EEFSEC: variants seen among roughly 807,000 people sequenced by gnomAD.
The protein encoded by EEFSEC is selenocysteine-specific elongation factor.
A neutral mutation model predicts 42.1 loss-of-function variants in EEFSEC; 43 were observed. That is an observed-to-expected ratio of 1.02 (90% CI 0.80 to 1.32). EEFSEC has a LOEUF of 1.32. EEFSEC is among the 40% of genes most tolerant of loss of function. The probability of loss-of-function intolerance (pLI) is 0.00; values close to 1 mark genes in which losing one functional copy is unlikely to be tolerated. For missense variants in EEFSEC, 745 were observed against 803.6 expected (o/e 0.93, Z 0.88); for synonymous variants, 354 against 339.1 (o/e 1.04, Z -0.48).
chr3:128,380,194 C>T (rs1025323357), intron 6 of EEFSEC, among the ~76,000 whole-genome samples: 10 of 152,168 alleles, frequency 6.6e-5, no homozygotes, highest in African/African-American at 2.4e-4. Flanking sequence ...GGACAAGAGC[C>T]GAGGCCCCGA....
At chr3:128,303,808 TTTTCATTC>T (rs1051375925) in intron 4 of EEFSEC, among the ~76,000 whole-genome samples, 3 of 152,098 alleles carry the variant, frequency 2.0e-5, no homozygotes, top group East Asian at 1.9e-4. Flanking sequence ...TCTGAAATTG[TTTTCATTC>T]TTTCATTCTT....
chr3:128,366,166 G>A (rs575166984), intron 6 of EEFSEC, among the ~76,000 whole-genome samples: 2 of 152,324 alleles, frequency 1.3e-5, no homozygotes, highest in East Asian at 3.9e-4. Context: ...AGTGGTTTTG[G>A]GGGACCAGTG....
At chr3:128,322,604 C>T (rs546436576) in intron 4 of EEFSEC, among the ~76,000 whole-genome samples, 16 of 152,226 alleles carry the variant, frequency 1.1e-4, no homozygotes, top group African/African-American at 3.1e-4. Context: ...AAGTCCCATC[C>T]GTTAATGCAT....
chr3:128,360,114 G>A (rs1046697201), intron 6 of EEFSEC, among the ~76,000 whole-genome samples: 1 of 152,222 alleles, frequency 6.6e-6, no homozygotes, highest in African/African-American at 2.4e-5. Context: ...ACCCAGCCAT[G>A]GGAGGCCTCC....
intron 6 of EEFSEC, among the ~76,000 whole-genome samples, chr3:128,373,157 GGGA>G (rs1290088481): frequency 2.6e-5 from 4 of 152,232 alleles, no homozygotes; most frequent in African/African-American, 4.8e-5. Flanking sequence ...AGCTGAGAAA[GGGA>G]GGAGGAGCCA....
intron 4 of EEFSEC, among the ~76,000 whole-genome samples, chr3:128,320,594 C>T (rs2066996748): frequency 6.6e-6 from 1 of 152,216 alleles, no homozygotes; most frequent in Non-Finnish European, 1.5e-5. Flanking sequence ...TTCCTAACCA[C>T]TGTGTTATGA....
At chr3:128,242,431 AT>A (rs979327183) in intron 1 of EEFSEC, among the ~76,000 whole-genome samples, 57 of 151,908 alleles carry the variant, frequency 3.8e-4, no homozygotes, top group East Asian at 9.7e-4. Context: ...TTGGAAATAA[AT>A]TTTTTTTTCT....
chr3:128,287,736 T>C (rs935457152), intron 4 of EEFSEC, among the ~76,000 whole-genome samples: 1 of 152,206 alleles, frequency 6.6e-6, no homozygotes, highest in Non-Finnish European at 1.5e-5. Flanking sequence ...TATCTTTAAC[T>C]TAAATTTTTA....
At chr3:128,419,855 G>T in the EEFSEC span, among the ~76,000 whole-genome samples, 1 of 152,198 alleles carries the variant, frequency 6.6e-6, no homozygotes, top group East Asian at 1.9e-4. Context: ...TAGCTCTGGG[G>T]CCAGAGACAG....
chr3:128,153,951 G>T, intron 1 of EEFSEC, 128 bp downstream of exon 1: 1 of 1,325,246 alleles, frequency 7.5e-7, no homozygotes, highest in Non-Finnish European at 9.8e-7. Flanking sequence ...GGCTCCTGAC[G>T]CCCCAAGAGG....
chr3:128,229,314 G>A (rs1210974018), intron 1 of EEFSEC, among the ~76,000 whole-genome samples: 2 of 152,198 alleles, frequency 1.3e-5, no homozygotes, highest in East Asian at 1.9e-4. Context: ...GCTAGAGAGC[G>A]AAGTGCTCTC....
At chr3:128,309,156 G>A (rs913131508) in intron 4 of EEFSEC, among the ~76,000 whole-genome samples, 1 of 152,220 alleles carries the variant, frequency 6.6e-6, no homozygotes, top group East Asian at 1.9e-4. Context: ...AACTGTAAGT[G>A]TAGTCCTGGC....
At chr3:128,414,528 G>A in the EEFSEC span, among the ~76,000 whole-genome samples, 1,494 of 152,290 alleles carry the variant, frequency 9.8e-3, 14 homozygotes, top group Non-Finnish European at 0.015. Flanking sequence ...GGCTACAGAG[G>A]CCAAGTTCCT....
intron 1 of EEFSEC, among the ~76,000 whole-genome samples, chr3:128,205,593 C>T (rs766097704): frequency 2.1e-4 from 32 of 152,252 alleles, no homozygotes; most frequent in South Asian, 4.1e-4. Context: ...ATCCTTCGCC[C>T]TGTGTAAACA....
chr3:128,378,907 C>A (rs1439906965), intron 6 of EEFSEC, among the ~76,000 whole-genome samples: 1 of 152,216 alleles, frequency 6.6e-6, no homozygotes, highest in African/African-American at 2.4e-5. Context: ...CTGGGCATTC[C>A]ACTGGGTTCT....
At chr3:128,352,762 C>T (rs949538914) in intron 5 of EEFSEC, among the ~76,000 whole-genome samples, 25 of 152,246 alleles carry the variant, frequency 1.6e-4, no homozygotes, top group African/African-American at 5.5e-4. Context: ...CAACTGTTTA[C>T]AAGTGCTCCC....
At chr3:128,346,270 C>G (rs555349461) in intron 5 of EEFSEC, among the ~76,000 whole-genome samples, 3 of 152,378 alleles carry the variant, frequency 2.0e-5, no homozygotes, top group African/African-American at 7.2e-5. Context: ...CTTCTTTCAG[C>G]TGCTTCGATC....
chr3:128,369,753 T>C (rs1381994946), intron 6 of EEFSEC, among the ~76,000 whole-genome samples: 1 of 152,220 alleles, frequency 6.6e-6, no homozygotes, highest in Non-Finnish European at 1.5e-5. Flanking sequence ...TCAAACATAC[T>C]GAAGAGTGGA....
chr3:128,339,638 G>T (rs1386012263), intron 4 of EEFSEC, among the ~76,000 whole-genome samples: 1 of 152,176 alleles, frequency 6.6e-6, no homozygotes, highest in Non-Finnish European at 1.5e-5. Context: ...ATAAGATCAG[G>T]TTACTCCTTT....
Sources: gnomAD v4.1 joint callset for allele counts (sites outside exome capture counted in the v4.1 genomes callset) on GRCh38, gnomAD v4.1.1 for gene constraint, MANE v1.5 for transcripts, NCBI Gene and HGNC (gene_info 2026-07-23, HGNC 2026-07-21) for gene names.